The following GNA13 variants were observed in gnomAD, a reference collection of about 807,000 sequenced individuals.
GNA13 encodes guanine nucleotide-binding protein subunit alpha-13.
In GNA13, 4 loss-of-function variants were observed where a neutral mutation model predicts 33.5. The ratio of observed to expected loss-of-function variants is 0.12; its 90% CI spans 0.06 to 0.27. The LOEUF (loss-of-function observed/expected upper bound fraction) is 0.27. GNA13 is among the 10% of genes least tolerant of loss of function. GNA13 has a pLI of 1.00. For synonymous variants in GNA13, 176 were observed against 183.8 expected (o/e 0.96, Z 0.34); for missense variants, 319 against 487.2 (o/e 0.65, Z 3.25).
Position 65,056,369 on chromosome 17 carries a change from G to A in GNA13, c.225C>T (p.Asp75=). 1 of 1,612,996 alleles carries A rather than the reference G, an allele frequency of 6.2e-7. No homozygotes were observed. Among genetic ancestry groups the A allele is most frequent in the Non-Finnish European group, 8.5e-7 (1 of 1,179,634 alleles). ...ACTCCTCGCGCGCGCGCTGGTCGAAGTCCTGCCCGTGGATGATCCGCATCT... is the reference window on the plus strand; with the variant it reads ...ACTCCTCGCGCGCGCGCTGGTCGAAATCCTGCCCGTGGATGATCCGCATCT... ...LKQMRIIHGQ[D]FDQRAREEFR... Residue 75 remains aspartate, a synonymous_variant, in exon 1 of 4, where the codon GAC becomes GAT. Transcript: ENST00000439174.
intron 2 of GNA13, among the ~76,000 whole-genome samples, chr17:65,046,979 C>G (rs1907687607): frequency 2.0e-5 from 3 of 152,136 alleles, no homozygotes; most frequent in Admixed American, 2.0e-4. Flanking sequence ...AAAATTTCAA[C>G]ATAATAGAAT....
chr17:65,031,919 A>AGAGAGAGT (rs1907050886), intron 2 of GNA13, among the ~76,000 whole-genome samples: 1 of 125,482 alleles, frequency 8.0e-6, no homozygotes, highest in Non-Finnish European at 1.7e-5. Context: ...AGAGAGAGAG[A>AGAGAGAGT]GAGTGTGTGT....
Position 65,011,639 on chromosome 17 carries a change from T to C in GNA13, c.*2618A>G. ...TGTGTGATATTTCCTCAGAATTAAA[T>C]GAGAAGGCATTCAGATTTAAGAACA... On this transcript the variant is annotated 3_prime_UTR_variant, in exon 4 of 4. Coordinates refer to ENST00000439174, the MANE Select transcript of GNA13 (RefSeq NM_006572.6). 1 of 222,904 alleles carries C rather than the reference T, an allele frequency of 4.5e-6. No homozygotes were observed. The highest frequency in any genetic ancestry group is 6.6e-5 in the East Asian group (1 of 15,118). 13.8% of individuals were successfully genotyped at this position (222,904 alleles called of 1,614,324 possible). A position where few individuals can be genotyped will look rare whatever the true frequency, so the allele number is the denominator to read the frequency against.
At position 65,043,691 on chromosome 17, in the gene GNA13, A is replaced by C. The variant is rs951650523; in HGVS notation, c.510+9811T>G. 3.9e-5 allele frequency among the ~76,000 whole-genome samples: 6 copies of C among 152,348 alleles called. No homozygotes were observed. In the South Asian group the frequency reaches 6.2e-4, roughly 16 times the overall value. On this transcript the variant is annotated intron_variant, in intron 2 of 3. Transcript: ENST00000439174. Reference sequence around the variant, plus strand: ...TTACTATTTAGATTAAAAAACAAAAATATCTGTAGGCCAGGACTGATAAAA... The same window carrying C: ...TTACTATTTAGATTAAAAAACAAAACTATCTGTAGGCCAGGACTGATAAAA...
At chr17:65,056,261 G>GCCCCCCC in intron 1 of GNA13, 50 bp downstream of exon 1, 1 of 560,700 alleles carries the variant, frequency 1.8e-6, no homozygotes, top group Non-Finnish European at 3.0e-6. Flanking sequence ...ACCCGCCGCC[G>GCCCCCCC]CCCCAGCCCC....
At chr17:65,028,635 G>A (rs1488140663) in intron 2 of GNA13, among the ~76,000 whole-genome samples, 1 of 152,052 alleles carries the variant, frequency 6.6e-6, no homozygotes, top group African/African-American at 2.4e-5. Flanking sequence ...GTCATGAGAG[G>A]TATGACTGCA....
intron 2 of GNA13, among the ~76,000 whole-genome samples, chr17:65,029,721 T>C (rs1291089787): frequency 6.6e-6 from 1 of 152,206 alleles, no homozygotes; most frequent in Non-Finnish European, 1.5e-5. Flanking sequence ...TATCCTAGGA[T>C]AGCAATTTTA....
intron 2 of GNA13, among the ~76,000 whole-genome samples, chr17:65,031,900 G>GAGAGAGAA (rs1907043550): frequency 7.2e-6 from 1 of 139,620 alleles, no homozygotes; most frequent in African/African-American, 3.1e-5. Context: ...GAGAGAAAGA[G>GAGAGAGAA]AGAGAGAGAG....
At chr17:65,020,093 A>G (rs926427369) in intron 2 of GNA13, among the ~76,000 whole-genome samples, 2 of 152,212 alleles carry the variant, frequency 1.3e-5, no homozygotes, top group Non-Finnish European at 2.9e-5. Context: ...TCCTCATTCA[A>G]ATTTTATACA....
chr17:65,045,571 T>C (rs1026449648), intron 2 of GNA13, among the ~76,000 whole-genome samples: 10 of 150,280 alleles, frequency 6.7e-5, no homozygotes, highest in African/African-American at 2.2e-4. Flanking sequence ...AGAATCACTA[T>C]TACAGTTAGT....
chr17:65,026,711 T>C (rs1906796728), intron 2 of GNA13, among the ~76,000 whole-genome samples: 1 of 152,220 alleles, frequency 6.6e-6, no homozygotes, highest in Admixed American at 6.5e-5. Flanking sequence ...AGGAAACTCA[T>C]CAAAATGTAA....
chr17:65,056,417 G>A lies in GNA13; in HGVS notation c.177C>T (p.Ser59=), dbSNP rs1312916163. ...VKILLLGAGE[S]GKSTFLKQMR... ...TCTGCTTCAGGAAGGTGGACTTGCC[G>A]CTCTCGCCCGCGCCCAGCAGCAGGA... The change falls in exon 1 of 4, where the codon AGC becomes AGT. Residue 59 remains serine, a synonymous_variant. Coordinates refer to ENST00000439174, the MANE Select transcript of GNA13 (RefSeq NM_006572.6). 2 of 1,613,692 alleles carry A rather than the reference G, an allele frequency of 1.2e-6. No homozygotes were observed. Among genetic ancestry groups the A allele is most frequent in the Middle Eastern group, 1.6e-4 (1 of 6,062 alleles).
chr17:65,031,111 A>C (rs1309390559), intron 2 of GNA13, among the ~76,000 whole-genome samples: 1 of 152,194 alleles, frequency 6.6e-6, no homozygotes, highest in African/African-American at 2.4e-5. Flanking sequence ...AGAACATCTT[A>C]ATTACTAGCA....
intron 2 of GNA13, among the ~76,000 whole-genome samples, chr17:65,047,900 T>A (rs1166294376): frequency 6.6e-6 from 1 of 152,206 alleles, no homozygotes; most frequent in African/African-American, 2.4e-5. Flanking sequence ...TACAGGCCAA[T>A]CATGGAGCTA....
At chr17:65,019,603 T>C (rs1210262051) in intron 2 of GNA13, among the ~76,000 whole-genome samples, 1 of 152,056 alleles carries the variant, frequency 6.6e-6, no homozygotes, top group African/African-American at 2.4e-5. Flanking sequence ...CACTTATTGG[T>C]AGGAGCTAAA....
intron 2 of GNA13, among the ~76,000 whole-genome samples, chr17:65,022,401 TAAAAA>T (rs569105482): frequency 4.6e-5 from 6 of 131,682 alleles, no homozygotes; most frequent in African/African-American, 1.7e-4. Context: ...ACCATGACAT[TAAAAA>T]AAAAAAAAAG....
chr17:65,020,511 C>T (rs188979467), intron 2 of GNA13, among the ~76,000 whole-genome samples: 7 of 152,256 alleles, frequency 4.6e-5, no homozygotes, highest in Admixed American at 1.3e-4. Context: ...CTCATTCAAG[C>T]GGTGTTGCTT....
chr17:65,016,467 T>C (rs1472503305), intron 3 of GNA13, among the ~76,000 whole-genome samples: 1 of 152,174 alleles, frequency 6.6e-6, no homozygotes, highest in Non-Finnish European at 1.5e-5. Context: ...GTTCAAGCGA[T>C]TCTGCTCCTC....
chr17:65,038,501 C>G (rs528719708), intron 2 of GNA13, among the ~76,000 whole-genome samples: 478 of 152,298 alleles, frequency 3.1e-3, no homozygotes, highest in African/African-American at 0.011. Flanking sequence ...CAGCCTCAAC[C>G]TCCTGGGCTC....
Sources: gnomAD v4.1 joint callset for allele counts (sites outside exome capture counted in the v4.1 genomes callset) on GRCh38, gnomAD v4.1.1 for gene constraint, MANE v1.5 for transcripts, NCBI Gene and HGNC (gene_info 2026-07-23, HGNC 2026-07-21) for gene names.